GRIK4: variants seen among roughly 807,000 people sequenced by gnomAD.
The protein encoded by GRIK4 is glutamate receptor ionotropic, kainate 4.
Under a neutral mutation model 104.9 loss-of-function variants are expected in GRIK4, and 40 were observed. That is an observed-to-expected ratio of 0.38 (90% CI 0.30 to 0.50). The LOEUF (loss-of-function observed/expected upper bound fraction) is 0.50. GRIK4 is among the 20% of genes least tolerant of loss of function. GRIK4 has a pLI of 0.93. For missense variants in GRIK4, 1,047 were observed against 1,308.1 expected (o/e 0.80, Z 3.08); for synonymous variants, 485 against 524.9 (o/e 0.92, Z 1.04).
chr11:120,891,328 C>A (rs1454507594), intron 11 of GRIK4, among the ~76,000 whole-genome samples: 1 of 152,228 alleles, frequency 6.6e-6, no homozygotes, highest in East Asian at 1.9e-4. Flanking sequence ...AGGCACTGTG[C>A]TATGCCCGTT....
intron 1 of GRIK4, among the ~76,000 whole-genome samples, chr11:120,629,810 A>AGGG (rs1949310754): frequency 6.6e-6 from 1 of 151,970 alleles, no homozygotes; most frequent in Admixed American, 6.6e-5. Flanking sequence ...TAGGAGAGGG[A>AGGG]GCTGTGATGC....
At chr11:120,831,609 T>C (rs948146083) in intron 6 of GRIK4, among the ~76,000 whole-genome samples, 1 of 152,102 alleles carries the variant, frequency 6.6e-6, no homozygotes, top group Non-Finnish European at 1.5e-5. Flanking sequence ...AAAAGAACGT[T>C]CTCGAGGGAG....
At chr11:120,753,313 G>GTGTGTA (rs1555055654) in intron 3 of GRIK4, among the ~76,000 whole-genome samples, 229 of 110,392 alleles carry the variant, frequency 2.1e-3, no homozygotes, top group African/African-American at 5.7e-3. Context: ...GTGTGTGTGT[G>GTGTGTA]TGTGTGTGTG....
chr11:120,641,591 T>C (rs1183513662), intron 1 of GRIK4, among the ~76,000 whole-genome samples: 1 of 152,212 alleles, frequency 6.6e-6, no homozygotes, highest in Non-Finnish European at 1.5e-5. Flanking sequence ...CCATGGCATT[T>C]GTAAACTGTC....
intron 3 of GRIK4, among the ~76,000 whole-genome samples, chr11:120,713,740 T>G (rs1485161602): frequency 6.6e-6 from 1 of 152,184 alleles, no homozygotes; most frequent in Non-Finnish European, 1.5e-5. Context: ...TTGCTAAGGT[T>G]GCCCTAAGAG....
At position 120,986,311 on chromosome 11, in the gene GRIK4, G is replaced by A; in HGVS notation, c.*51G>A. 7.0e-7 allele frequency: 1 copy of A among 1,430,806 alleles called. No homozygotes were observed. The highest frequency in any genetic ancestry group is 9.1e-7 in the Non-Finnish European group (1 of 1,099,306). The allele number at this position is 1,430,806 out of a possible 1,614,324, so 88.6% of individuals were successfully genotyped here. A position where few individuals can be genotyped will look rare whatever the true frequency, so the allele number is the denominator to read the frequency against. On this transcript the variant is annotated 3_prime_UTR_variant, in exon 21 of 21. Transcript: ENST00000527524. The stretch of plus-strand genomic sequence containing the variant: ...GGCCGGGCGGGGCGGGAGGGGAGGG[G>A]CGGGGCGGGCGCTGCTGTCAGCCGC...
intron 3 of GRIK4, among the ~76,000 whole-genome samples, chr11:120,665,358 A>G (rs932580907): frequency 6.6e-6 from 1 of 152,218 alleles, no homozygotes; most frequent in African/African-American, 2.4e-5. Flanking sequence ...TCACCCATAT[A>G]GACAATCAAT....
intron 11 of GRIK4, among the ~76,000 whole-genome samples, chr11:120,875,491 G>T (rs1954758315): frequency 6.6e-6 from 1 of 152,172 alleles, no homozygotes; most frequent in Admixed American, 6.5e-5. Flanking sequence ...AGGCAAGGGT[G>T]TGTCATGTAA....
intron 3 of GRIK4, among the ~76,000 whole-genome samples, chr11:120,747,129 C>G (rs1486941342): frequency 6.6e-6 from 1 of 152,208 alleles, no homozygotes; most frequent in African/African-American, 2.4e-5. Context: ...TTCAGGCCCA[C>G]AAACTCAAGC....
chr11:120,900,337 A>G (rs1040413648), intron 12 of GRIK4, among the ~76,000 whole-genome samples: 1 of 152,214 alleles, frequency 6.6e-6, no homozygotes, highest in Non-Finnish European at 1.5e-5. Context: ...CCAGGCTACT[A>G]AGTTTCCCTT....
intron 1 of GRIK4, among the ~76,000 whole-genome samples, chr11:120,606,662 A>C (rs1948967228): frequency 6.6e-6 from 1 of 152,176 alleles, no homozygotes; most frequent in Non-Finnish European, 1.5e-5. Flanking sequence ...AGAGTGCCGC[A>C]GGTGTTGGGG....
At chr11:120,746,298 C>T (rs561293256) in intron 3 of GRIK4, among the ~76,000 whole-genome samples, 93 of 152,270 alleles carry the variant, frequency 6.1e-4, no homozygotes, top group Non-Finnish European at 1.1e-3. Context: ...AGTTATTAAA[C>T]CTCTCTAAGA....
chr11:120,683,440 A>C (rs1345865209), intron 3 of GRIK4, among the ~76,000 whole-genome samples: 1 of 152,158 alleles, frequency 6.6e-6, no homozygotes, highest in Non-Finnish European at 1.5e-5. Flanking sequence ...GCACATGTTA[A>C]ATGAGAAATG....
chr11:120,854,814 CTT>C (rs1954062458), intron 8 of GRIK4, among the ~76,000 whole-genome samples: 1 of 151,996 alleles, frequency 6.6e-6, no homozygotes, highest in Non-Finnish European at 1.5e-5. Flanking sequence ...AATGAGGAAA[CTT>C]TTCTGATTAA....
At chr11:120,728,330 C>A (rs1284644707) in intron 3 of GRIK4, among the ~76,000 whole-genome samples, 2 of 152,020 alleles carry the variant, frequency 1.3e-5, no homozygotes, top group African/African-American at 4.8e-5. Context: ...TAAAATCGAC[C>A]TTCAAGTGTG....
intron 13 of GRIK4, among the ~76,000 whole-genome samples, chr11:120,920,459 C>T (rs1255015460): frequency 6.6e-6 from 1 of 152,152 alleles, no homozygotes; most frequent in Non-Finnish European, 1.5e-5. Context: ...TCTTCCCTCT[C>T]CCAGGCCGGC....
chr11:120,546,104 G>A (rs1297989893), intron 1 of GRIK4, among the ~76,000 whole-genome samples: 1 of 152,188 alleles, frequency 6.6e-6, no homozygotes, highest in African/African-American at 2.4e-5. Context: ...TGTTGGCCCT[G>A]AGGTACAGCC....
intron 1 of GRIK4, among the ~76,000 whole-genome samples, chr11:120,625,895 A>G (rs918151789): frequency 6.6e-6 from 1 of 152,004 alleles, no homozygotes; most frequent in Non-Finnish European, 1.5e-5. Flanking sequence ...GCTCTGATGA[A>G]TGGAGGCTTC....
chr11:120,732,416 C>T (rs1380118302), intron 3 of GRIK4, among the ~76,000 whole-genome samples: 3 of 152,198 alleles, frequency 2.0e-5, no homozygotes, highest in Admixed American at 2.0e-4. Context: ...CAGGTGTGAG[C>T]CACCATGCCC....
Sources: gnomAD v4.1 joint callset for allele counts (sites outside exome capture counted in the v4.1 genomes callset) on GRCh38, gnomAD v4.1.1 for gene constraint, MANE v1.5 for transcripts, NCBI Gene and HGNC (gene_info 2026-07-23, HGNC 2026-07-21) for gene names.